Variants in SIPA1L1 observed in about 807,000 individuals in gnomAD.
SIPA1L1 encodes the protein signal-induced proliferation-associated 1-like protein 1.
In SIPA1L1, 26 loss-of-function variants were observed where a neutral mutation model predicts 162.7. The observed-to-expected ratio is 0.16, with a 90% CI of 0.12 to 0.22. SIPA1L1 has a LOEUF of 0.22. SIPA1L1 is among the 10% of genes least tolerant of loss of function. The pLI, the probability that SIPA1L1 is intolerant of heterozygous loss-of-function variation, is 1.00. For synonymous variants in SIPA1L1, 829 were observed against 837.4 expected (o/e 0.99, Z 0.17); for missense variants, 1,874 against 2,241.0 (o/e 0.84, Z 3.31).
intron 5 of SIPA1L1, among the ~76,000 whole-genome samples, chr14:71,592,937 G>A (rs2035583204): frequency 6.6e-6 from 1 of 152,122 alleles, no homozygotes; most frequent in Non-Finnish European, 1.5e-5. Context: ...CATTTTGCTA[G>A]TGAGTGTATG....
rs373531183 is a variant in SIPA1L1 at position 71,377,477 on chromosome 14, C to T, written c.-465+56296C>T. 4.3e-4 allele frequency among the ~76,000 whole-genome samples: 66 copies of T among 151,978 alleles called. 1 individual carries two copies. In the South Asian group the frequency reaches 0.013, roughly 31 times the overall value. ...CAGACTGGGCGGCCAGGCAGAGACG[C>T]TCCTCACTTCCCAGACTGGGTGGCC... On this transcript the variant is annotated intron_variant, in intron 2 of 23. Transcript: ENST00000381232. This position sits in a 1 kb window ranked among gnomAD's most constrained non-coding sequence, Gnocchi z 4.8.
intron 19 of SIPA1L1, among the ~76,000 whole-genome samples, chr14:71,727,675 A>G (rs572704536): frequency 6.6e-6 from 1 of 151,600 alleles, no homozygotes; most frequent in South Asian, 2.1e-4. Context: ...GTGCCATCCC[A>G]CTCCACTGCG....
chr14:71,598,234 A>T (rs2036278420), intron 5 of SIPA1L1: 1 of 985,170 alleles, frequency 1.0e-6, no homozygotes, highest in African/African-American at 1.7e-5. Flanking sequence ...GATTTTTACT[A>T]TTGTAAACTT....
chr14:71,424,786 A>G (rs1417137089), intron 2 of SIPA1L1, among the ~76,000 whole-genome samples: 1 of 152,072 alleles, frequency 6.6e-6, no homozygotes, highest in Non-Finnish European at 1.5e-5. Flanking sequence ...TCAGATAATG[A>G]GTTAAGAAGT....
chr14:71,373,438 C>T (rs1389143294), intron 2 of SIPA1L1, among the ~76,000 whole-genome samples: 2 of 151,720 alleles, frequency 1.3e-5, no homozygotes, highest in South Asian at 2.1e-4. Context: ...GCCTGGCCAA[C>T]GTGGTGAAAT....
intron 2 of SIPA1L1, among the ~76,000 whole-genome samples, chr14:71,333,167 T>G (rs1268756283): frequency 6.6e-6 from 1 of 152,174 alleles, no homozygotes; most frequent in Non-Finnish European, 1.5e-5. Flanking sequence ...TTCAGATGAT[T>G]GGTATAATGT....
intron 12 of SIPA1L1, among the ~76,000 whole-genome samples, chr14:71,682,090 A>G (rs1288124887): frequency 6.6e-6 from 1 of 152,204 alleles, no homozygotes; most frequent in Non-Finnish European, 1.5e-5. Context: ...CTGTGGGTTT[A>G]AATCCTGGCT....
intron 14 of SIPA1L1, 28 bp downstream of exon 14, chr14:71,699,155 T>C: frequency 6.2e-7 from 1 of 1,608,500 alleles, no homozygotes; most frequent in Non-Finnish European, 8.5e-7. Flanking sequence ...CCATTGTACA[T>C]GGTCCCTGTT....
chr14:71,414,620 G>GT (rs2042629668), intron 2 of SIPA1L1, among the ~76,000 whole-genome samples: 2 of 152,164 alleles, frequency 1.3e-5, no homozygotes, highest in African/African-American at 4.8e-5. Context: ...TCTGTTACAT[G>GT]TTTATGTTTT....
At chr14:71,457,683 C>T (rs1295068450) in intron 2 of SIPA1L1, among the ~76,000 whole-genome samples, 1 of 152,080 alleles carries the variant, frequency 6.6e-6, no homozygotes, top group East Asian at 1.9e-4. Flanking sequence ...CAACCTCCGC[C>T]TCCCAGGTTC....
chr14:71,629,352 TAGCTAAGAGCACTG>T (rs2040346001), intron 7 of SIPA1L1, among the ~76,000 whole-genome samples: 1 of 152,336 alleles, frequency 6.6e-6, no homozygotes, highest in East Asian at 1.9e-4. Context: ...TCCTGTTTTA[TAGCTAAGAGCACTG>T]AGACACAAAG....
At chr14:71,614,419 A>G (rs1490340301) in intron 5 of SIPA1L1, among the ~76,000 whole-genome samples, 1 of 152,158 alleles carries the variant, frequency 6.6e-6, no homozygotes, top group African/African-American at 2.4e-5. Context: ...CAGAGCTTTT[A>G]TTGTAAAAAT....
intron 2 of SIPA1L1, among the ~76,000 whole-genome samples, chr14:71,363,474 A>G (rs1387444267): frequency 1.3e-5 from 2 of 151,904 alleles, no homozygotes; most frequent in African/African-American, 4.9e-5. Flanking sequence ...GATACAAGTG[A>G]AAACATATTT....
chr14:71,444,976 G>A (rs1240611869), intron 2 of SIPA1L1, among the ~76,000 whole-genome samples: 1 of 152,174 alleles, frequency 6.6e-6, no homozygotes, highest in Non-Finnish European at 1.5e-5. Context: ...GGACCAGGTG[G>A]TTCCAGGTGG....
chr14:71,377,377 G>C lies in SIPA1L1; in HGVS notation c.-465+56196G>C, dbSNP rs1189044794. ...CGGAGGCACTCCTCAGTTCCCAGAC[G>C]GGGTCGCGGCCGGGCAGAGGCACTC... On this transcript the variant is annotated intron_variant, in intron 2 of 23. Transcript: ENST00000381232. This position sits in a 1 kb window ranked among gnomAD's most constrained non-coding sequence, Gnocchi z 4.8. Among the ~76,000 whole-genome samples the C allele has an allele frequency of 6.6e-6, 1 of 151,664 alleles. No homozygotes were observed. The highest frequency in any genetic ancestry group is 1.9e-4 in the East Asian group (1 of 5,140).
chr14:71,467,012 T>A (rs1388284020), intron 2 of SIPA1L1, among the ~76,000 whole-genome samples: 4 of 152,240 alleles, frequency 2.6e-5, no homozygotes, highest in African/African-American at 7.2e-5. Context: ...AACTATTTTA[T>A]CTCATAACTC....
chr14:71,671,719 A>G (rs748621692), intron 11 of SIPA1L1, 27 bp downstream of exon 11: 4 of 1,515,454 alleles, frequency 2.6e-6, no homozygotes, highest in African/African-American at 2.8e-5. Flanking sequence ...TCTTCCTTAC[A>G]TGCAGTTTCT....
chr14:71,390,859 T>G (rs1189865491), intron 2 of SIPA1L1, among the ~76,000 whole-genome samples: 1 of 152,168 alleles, frequency 6.6e-6, no homozygotes, highest in South Asian at 2.1e-4. Flanking sequence ...ACGACACCTT[T>G]TCTCCACAGA....
intron 2 of SIPA1L1, among the ~76,000 whole-genome samples, chr14:71,363,597 C>G (rs1450660894): frequency 6.6e-6 from 1 of 152,136 alleles, no homozygotes; most frequent in Non-Finnish European, 1.5e-5. Flanking sequence ...GCTTAATTTT[C>G]AAGCTCAAAA....
Sources: gnomAD v4.1 joint callset for allele counts (sites outside exome capture counted in the v4.1 genomes callset) on GRCh38, gnomAD v4.1.1 for gene constraint, Gnocchi (gnomAD v3.1) non-coding constraint, MANE v1.5 for transcripts, NCBI Gene and HGNC (gene_info 2026-07-23, HGNC 2026-07-21) for gene names.